CES5A: variants seen among roughly 807,000 people sequenced by gnomAD.
CES5A encodes carboxylesterase 5.
CES5A carries 67 observed loss-of-function variants against 62.9 expected under a neutral mutation model. The observed-to-expected ratio is 1.07, with a 90% CI of 0.88 to 1.31. The LOEUF (loss-of-function observed/expected upper bound fraction) is 1.31. Ranked by LOEUF, CES5A falls within the 50% of genes most tolerant of loss-of-function variation. The pLI is 0.00. For synonymous variants in CES5A, 296 were observed against 280.8 expected, an observed-to-expected ratio of 1.05 and a Z score of -0.54; for missense variants, 748 against 708.5, an observed-to-expected ratio of 1.06 and a Z score of -0.63.
intron 1 of CES5A, among the ~76,000 whole-genome samples, chr16:55,882,453 C>T (rs1485031646): frequency 6.6e-6 from 1 of 152,214 alleles, no homozygotes; most frequent in Non-Finnish European, 1.5e-5. Context: ...TTGCCATGAG[C>T]TCCACCTGCA....
At chr16:55,936,767 G>A (rs2034380520) in intron 2 of CES5A, among the ~76,000 whole-genome samples, 1 of 152,222 alleles carries the variant, frequency 6.6e-6, no homozygotes, top group Admixed American at 6.5e-5. Flanking sequence ...ACACGAAGTT[G>A]AGGAGCACTT....
intron 9 of CES5A, among the ~76,000 whole-genome samples, chr16:55,853,738 C>T (rs547609434): frequency 6.6e-6 from 1 of 152,290 alleles, no homozygotes; most frequent in African/African-American, 2.4e-5. Flanking sequence ...TGACCTGGCA[C>T]CAGCCTGCCT....
At chr16:55,921,751 C>T (rs1292450158) in intron 1 of CES5A, among the ~76,000 whole-genome samples, 3 of 150,942 alleles carry the variant, frequency 2.0e-5, no homozygotes, top group Admixed American at 1.3e-4. Flanking sequence ...TTATGGTGTG[C>T]AATCCACTCA....
intron 1 of CES5A, among the ~76,000 whole-genome samples, chr16:55,897,734 AT>A (rs1334610376): frequency 6.6e-6 from 1 of 152,226 alleles, no homozygotes; most frequent in Non-Finnish European, 1.5e-5. Context: ...TGTCTTTACC[AT>A]CAGATTTTAA....
At chr16:55,914,041 C>A (rs2034120851) in intron 1 of CES5A, among the ~76,000 whole-genome samples, 1 of 152,152 alleles carries the variant, frequency 6.6e-6, no homozygotes, top group Non-Finnish European at 1.5e-5. Context: ...TTAATCAGGG[C>A]TGCAAGATAA....
At chr16:55,896,208 C>A (rs2033932611) in intron 1 of CES5A, among the ~76,000 whole-genome samples, 1 of 152,176 alleles carries the variant, frequency 6.6e-6, no homozygotes, top group South Asian at 2.1e-4. Flanking sequence ...CTTTATATAA[C>A]CATCAGCTCT....
At chr16:55,863,492 C>A in intron 5 of CES5A, 40 bp from the exon 6 acceptor site, 1 of 972,896 alleles carries the variant, frequency 1.0e-6, no homozygotes. Flanking sequence ...AGGTTACTCC[C>A]CACCAACACA....
chr16:55,895,913 G>T (rs1287173564), intron 1 of CES5A, among the ~76,000 whole-genome samples: 1 of 152,172 alleles, frequency 6.6e-6, no homozygotes. Context: ...CTCCTGAGAG[G>T]ATGAGTGAGA....
intron 1 of CES5A, among the ~76,000 whole-genome samples, chr16:55,886,554 C>T (rs2033817467): frequency 1.3e-5 from 2 of 152,188 alleles, no homozygotes; most frequent in Admixed American, 1.3e-4. Context: ...TAAGCATGGG[C>T]TCTGATTCAC....
chr16:55,916,278 A>G (rs1406895159), intron 1 of CES5A, among the ~76,000 whole-genome samples: 1 of 152,228 alleles, frequency 6.6e-6, no homozygotes. Flanking sequence ...GACTCCTGGA[A>G]TAATGACTGG....
intron 2 of CES5A, among the ~76,000 whole-genome samples, chr16:55,937,684 G>A (rs2034390847): frequency 6.6e-6 from 1 of 152,206 alleles, no homozygotes; most frequent in Admixed American, 6.5e-5. Context: ...TGTGAGTCTG[G>A]ATGGTGTGGG....
At chr16:55,951,469 T>G (rs1304418525) in intron 1 of CES5A, among the ~76,000 whole-genome samples, 2 of 152,154 alleles carry the variant, frequency 1.3e-5, no homozygotes, top group African/African-American at 4.8e-5. Flanking sequence ...CCAACTATTA[T>G]AGAAGAAAAA....
At chr16:55,928,404 C>T (rs2043971075), upstream of CES5A, among the ~76,000 whole-genome samples, 1 of 152,074 alleles carries the variant, frequency 6.6e-6, no homozygotes, top group African/African-American at 2.4e-5. Flanking sequence ...ATAATGGACA[C>T]TGGAGACTCA....
At chr16:55,948,602 A>G (rs1275702286) in intron 2 of CES5A, among the ~76,000 whole-genome samples, 1 of 152,214 alleles carries the variant, frequency 6.6e-6, no homozygotes, top group Non-Finnish European at 1.5e-5. Flanking sequence ...TATGAACAAA[A>G]GAAAAGGCAA....
chr16:55,863,698 C>T (rs1368443965), intron 5 of CES5A, among the ~76,000 whole-genome samples: 2 of 151,896 alleles, frequency 1.3e-5, no homozygotes, highest in Non-Finnish European at 2.9e-5. Context: ...TTTCTAGCTC[C>T]TTCACTTTCT....
chr16:55,949,687 G>T, intron 2 of CES5A: 1 of 442,098 alleles, frequency 2.3e-6, no homozygotes, highest in South Asian at 6.5e-5. Flanking sequence ...AATTCCCGGT[G>T]GAAGTATGCC....
At chr16:55,887,342 G>C (rs907014149) in intron 1 of CES5A, among the ~76,000 whole-genome samples, 2 of 147,788 alleles carry the variant, frequency 1.4e-5, no homozygotes, top group Non-Finnish European at 3.0e-5. Flanking sequence ...TAGATCTGCT[G>C]CCTGATGACT....
upstream of CES5A, among the ~76,000 whole-genome samples, chr16:55,929,157 A>C (rs2034285550): frequency 1.3e-5 from 2 of 152,202 alleles, 1 homozygote; most frequent in South Asian, 4.1e-4. Flanking sequence ...TCACGTGGGC[A>C]ATAGAAGGGA....
intron 1 of CES5A, among the ~76,000 whole-genome samples, chr16:55,950,289 A>G (rs1033064372): frequency 6.6e-6 from 1 of 152,212 alleles, no homozygotes; most frequent in Non-Finnish European, 1.5e-5. Context: ...TGAAGACTAA[A>G]TTGGACATGA....
Sources: allele counts gnomAD v4.1 joint callset (sites outside exome capture counted in the v4.1 genomes callset), GRCh38; gene constraint gnomAD v4.1.1; transcripts MANE v1.5; gene names NCBI Gene and HGNC (gene_info 2026-07-23, HGNC 2026-07-21).